Variants in APBA2 observed in about 807,000 individuals in gnomAD.
APBA2 encodes the protein amyloid beta precursor protein binding family A member 2.
In APBA2, 30 loss-of-function variants were observed where a neutral mutation model predicts 75.0. The ratio of observed to expected loss-of-function variants is 0.40; its 90% CI spans 0.30 to 0.54. APBA2 has a LOEUF of 0.54. Among genes scored for constraint, APBA2 ranks in the 20% least tolerant of loss-of-function variants. The probability of loss-of-function intolerance (pLI) is 0.49; values close to 1 mark genes in which losing one functional copy is unlikely to be tolerated. For synonymous variants in APBA2, 444 were observed against 409.6 expected, an observed-to-expected ratio of 1.08 and a Z score of -1.01; for missense variants, 801 against 1,016.1, an observed-to-expected ratio of 0.79 and a Z score of 2.88.
rs1204120866 is a variant in APBA2 at position 28,927,978 on chromosome 15, CTA to C, written c.-95+6231_-95+6232del. Among the ~76,000 whole-genome samples the C allele has an allele frequency of 1.8e-4, 27 of 150,490 alleles. 1 individual carries two copies. In the East Asian group the frequency reaches 4.5e-3, roughly 25 times the overall value. On this transcript the variant is annotated intron_variant, in intron 2 of 14. Transcript: ENST00000683413. ...GACCAACATGGAGAAACCCCTGTCT[CTA>C]TTAAAAATACAAAATTAGCCAGGCG...
chr15:29,080,925 C>A (rs1389298172), intron 6 of APBA2, among the ~76,000 whole-genome samples: 1 of 152,182 alleles, frequency 6.6e-6, no homozygotes, highest in Non-Finnish European at 1.5e-5. Flanking sequence ...AACCCACCAC[C>A]CCACCAGCAG....
intron 13 of APBA2, chr15:29,108,630 T>G (rs2044568271): frequency 1.6e-6 from 1 of 614,402 alleles, no homozygotes; most frequent in Admixed American, 3.0e-5. Context: ...TTTCCCAGGC[T>G]CCCTTGTCCC....
intron 2 of APBA2, among the ~76,000 whole-genome samples, chr15:28,974,245 C>T (rs1247764564): frequency 6.6e-6 from 1 of 152,154 alleles, no homozygotes; most frequent in Non-Finnish European, 1.5e-5. Context: ...ACAAAGAGGG[C>T]CGCTGTCAAT....
chr15:29,005,386 G>A (rs769358569), intron 3 of APBA2, among the ~76,000 whole-genome samples: 1 of 151,972 alleles, frequency 6.6e-6, no homozygotes, highest in Non-Finnish European at 1.5e-5. Flanking sequence ...TTGGTCTCCC[G>A]AGTAGCTGGG....
In APBA2 at chr15:28,957,377, C is replaced by T. The variant is rs1280123828; in HGVS notation, c.-95+35628C>T. ...TACAGGCGTGAGCTACTGCGCCCGG[C>T]CTGAGCTCTTGTTTTCACTTCCTTC... On this transcript the variant is annotated intron_variant, in intron 2 of 14. Transcript: ENST00000683413. 2.6e-5 allele frequency among the ~76,000 whole-genome samples: 4 copies of T among 152,150 alleles called. No individual in the cohort carries two copies. In the South Asian group the frequency reaches 8.3e-4, roughly 32 times the overall value.
chr15:28,946,039 C>G (rs983599082), intron 2 of APBA2, among the ~76,000 whole-genome samples: 1 of 152,114 alleles, frequency 6.6e-6, no homozygotes, highest in African/African-American at 2.4e-5. Context: ...TGTGGGCGGC[C>G]CAGTTGCATT....
At chr15:28,958,563 C>T (rs1432502288) in intron 2 of APBA2, among the ~76,000 whole-genome samples, 1 of 152,222 alleles carries the variant, frequency 6.6e-6, no homozygotes, top group Non-Finnish European at 1.5e-5. Context: ...AGTTCATTAT[C>T]AGCTGGTAAT....
intron 1 of APBA2, among the ~76,000 whole-genome samples, chr15:28,899,452 C>T (rs1348045747): frequency 6.6e-6 from 1 of 152,260 alleles, no homozygotes; most frequent in African/African-American, 2.4e-5. Flanking sequence ...CTCGTAACCA[C>T]TCAGCTTCAT....
chr15:28,973,313 G>T (rs2037168430), intron 2 of APBA2, among the ~76,000 whole-genome samples: 1 of 152,202 alleles, frequency 6.6e-6, no homozygotes, highest in South Asian at 2.1e-4. Context: ...GATGAGATTG[G>T]ATATTTTTGT....
intron 8 of APBA2, among the ~76,000 whole-genome samples, chr15:29,095,695 T>A (rs1263407442): frequency 3.3e-5 from 5 of 152,242 alleles, no homozygotes; most frequent in Admixed American, 1.3e-4. Flanking sequence ...ATGTGGGGAC[T>A]CCCTCTTCTG....
chr15:29,108,203 T>G (rs2044533410), intron 12 of APBA2, 67 bp from the exon 13 acceptor site: 1 of 1,608,732 alleles, frequency 6.2e-7, no homozygotes, highest in African/African-American at 1.3e-5. Context: ...CCTGCCAGCC[T>G]CGCTCATCCT....
At chr15:28,908,092 C>A (rs1484114632) in intron 1 of APBA2, among the ~76,000 whole-genome samples, 1 of 152,104 alleles carries the variant, frequency 6.6e-6, no homozygotes, top group Non-Finnish European at 1.5e-5. Flanking sequence ...CTGGCTGGAC[C>A]CTGGGGTTTT....
chr15:28,915,121 ACACT>A, intron 1 of APBA2, among the ~76,000 whole-genome samples: 1 of 103,736 alleles, frequency 9.6e-6, no homozygotes, highest in African/African-American at 3.9e-5. Flanking sequence ...CACACACCAC[ACACT>A]TAACCCATAT....
Position 28,990,072 on chromosome 15 carries a change from G to A in APBA2, c.-94-5681G>A, listed in dbSNP as rs145233650. ...CTGATGCTGTGGGCTGCACAAGGAC[G>A]GACTTACTGAAGATTACAGGCCAGG... On this transcript the variant is annotated intron_variant, in intron 2 of 14. Transcript: ENST00000683413. Among the ~76,000 whole-genome samples, 216 of 152,228 alleles carry A rather than the reference G, an allele frequency of 1.4e-3. 1 individual carries two copies. Among genetic ancestry groups the A allele is most frequent in the African/African-American group, 4.8e-3 (200 of 41,514 alleles).
chr15:28,980,941 G>T (rs1418231254), intron 2 of APBA2, among the ~76,000 whole-genome samples: 1 of 152,158 alleles, frequency 6.6e-6, no homozygotes, highest in Non-Finnish European at 1.5e-5. Context: ...ATGGGGAGAG[G>T]ACTCCCTATT....
chr15:29,025,091 A>G (rs141478802), intron 3 of APBA2, among the ~76,000 whole-genome samples: 43 of 152,050 alleles, frequency 2.8e-4, no homozygotes, highest in African/African-American at 9.7e-4. Flanking sequence ...TATGCATTCT[A>G]TTGCAGCATG....
intron 2 of APBA2, among the ~76,000 whole-genome samples, chr15:28,975,358 C>T (rs2152758720): frequency 6.6e-6 from 1 of 152,236 alleles, no homozygotes; most frequent in East Asian, 1.9e-4. Flanking sequence ...AAACCACACA[C>T]CAATCTCACT....
chr15:28,965,477 A>C (rs184157107), intron 2 of APBA2, among the ~76,000 whole-genome samples: 17 of 152,238 alleles, frequency 1.1e-4, no homozygotes, highest in African/African-American at 3.9e-4. Flanking sequence ...CTTTCTAATA[A>C]ATTTTAGAAT....
chr15:29,072,619 C>T lies in APBA2; in HGVS notation c.952-2302C>T, dbSNP rs145494025. 4.3e-3 allele frequency among the ~76,000 whole-genome samples: 654 copies of T among 152,202 alleles called. 7 individuals are homozygous for T. Among genetic ancestry groups the T allele is most frequent in the African/African-American group, 0.015 (634 of 41,524 alleles). ...TTGGTCAGTGCAGGGTCTACTGCAA[C>T]AGAGTCTCGGGTGGTCACAGCCCTC... On this transcript the variant is annotated intron_variant, in intron 4 of 14. Transcript: ENST00000683413.
Sources: allele counts gnomAD v4.1 joint callset (sites outside exome capture counted in the v4.1 genomes callset), GRCh38; gene constraint gnomAD v4.1.1; transcripts MANE v1.5; gene names NCBI Gene and HGNC (gene_info 2026-07-23, HGNC 2026-07-21).